Variants in ADAM10 observed in about 807,000 individuals in gnomAD.
ADAM10 encodes disintegrin and metalloproteinase domain-containing protein 10.
In ADAM10, 17 loss-of-function variants were observed where a neutral mutation model predicts 90.1. The ratio of observed to expected loss-of-function variants is 0.19; its 90% confidence interval spans 0.13 to 0.28. The LOEUF (loss-of-function observed/expected upper bound fraction) is 0.28. Ranked by LOEUF, ADAM10 falls within the 10% of genes least tolerant of loss-of-function variation. ADAM10 has a pLI of 1.00. For synonymous variants in ADAM10, 310 were observed against 298.6 expected, an observed-to-expected ratio of 1.04 and a Z score of -0.40; for missense variants, 610 against 914.3, an observed-to-expected ratio of 0.67 and a Z score of 4.29.
At chr15:58,625,233 G>A (rs780483596) in intron 10 of ADAM10, among the ~76,000 whole-genome samples, 2 of 152,014 alleles carry the variant, frequency 1.3e-5, no homozygotes, top group Non-Finnish European at 2.9e-5. Context: ...CTACAGACTG[G>A]GAGAAAATAT....
chr15:58,669,492 G>A (rs1897147777), intron 4 of ADAM10, among the ~76,000 whole-genome samples: 1 of 152,170 alleles, frequency 6.6e-6, no homozygotes, highest in African/African-American at 2.4e-5. Context: ...GCTTGGAGGA[G>A]AGAGAATGTA....
intron 11 of ADAM10, among the ~76,000 whole-genome samples, chr15:58,612,310 G>A (rs2140999383): frequency 1.3e-5 from 2 of 152,262 alleles, no homozygotes; most frequent in South Asian, 4.1e-4. Flanking sequence ...CCTTGGCCAA[G>A]TTGAGGAGCT....
chr15:58,726,134 G>C (rs1899019041), intron 1 of ADAM10, among the ~76,000 whole-genome samples: 1 of 152,018 alleles, frequency 6.6e-6, no homozygotes, highest in South Asian at 2.1e-4. Context: ...AACAATAACA[G>C]CACAACAGAA....
At chr15:58,629,210 AT>A (rs1181795813) in intron 9 of ADAM10, 1 of 152,252 alleles carries the variant, frequency 6.6e-6, no homozygotes, top group Non-Finnish European at 1.5e-5. Flanking sequence ...AGGCACTAAA[AT>A]ATAAAAATAT....
At chr15:58,613,056 C>G (rs1306546746) in intron 11 of ADAM10, among the ~76,000 whole-genome samples, 1 of 152,144 alleles carries the variant, frequency 6.6e-6, no homozygotes, top group Admixed American at 6.5e-5. Flanking sequence ...CTAAGTCTCA[C>G]CATTATGGGA....
At chr15:58,655,314 C>G (rs1226633728) in intron 5 of ADAM10, 1 of 153,960 alleles carries the variant, frequency 6.5e-6, no homozygotes, top group Non-Finnish European at 1.5e-5. Flanking sequence ...GTGCTGGCAT[C>G]CGCTTGGCTT....
intron 10 of ADAM10, among the ~76,000 whole-genome samples, chr15:58,625,199 C>T (rs1895902278): frequency 1.3e-5 from 2 of 152,208 alleles, no homozygotes; most frequent in East Asian, 1.9e-4. Context: ...CACGAAAGAA[C>T]TGTGAAAAGG....
intron 8 of ADAM10, among the ~76,000 whole-genome samples, chr15:58,635,355 C>G (rs377020339): frequency 1.3e-5 from 2 of 151,368 alleles, no homozygotes; most frequent in Non-Finnish European, 2.9e-5. Flanking sequence ...ACTCTGCCCA[C>G]CTCAGGTGAT....
chr15:58,675,179 C>T (rs189911878), intron 4 of ADAM10, among the ~76,000 whole-genome samples: 36 of 152,272 alleles, frequency 2.4e-4, no homozygotes, highest in Admixed American at 1.7e-3. Context: ...GCCTGGGCGA[C>T]GGAGGTATAG....
rs1330625561 is a variant in ADAM10 at position 58,594,605 on chromosome 15, A to C, written c.*2942T>G. The C allele has an allele frequency of 6.6e-6, 1 of 152,198 alleles. No individual in the cohort carries two copies. The highest frequency in any genetic ancestry group is 1.5e-5 in the Non-Finnish European group (1 of 68,030). 9.4% of individuals were successfully genotyped at this position (152,198 alleles called of 1,614,324 possible). ...ATTGCTTGACACTACAGGGAATGCT[A>C]AATCCAGAAGCAGTCAATAAATTTA... On this transcript the variant is annotated 3_prime_UTR_variant, in exon 16 of 16. Transcript: ENST00000260408.
chr15:58,685,150 T>TTAA (rs1161229602), intron 2 of ADAM10, among the ~76,000 whole-genome samples: 1 of 133,282 alleles, frequency 7.5e-6, no homozygotes, highest in Non-Finnish European at 1.5e-5. Context: ...GACCTCTAAG[T>TTAA]TATATTAAGT....
chr15:58,639,965 C>T (rs1387864743), intron 8 of ADAM10, among the ~76,000 whole-genome samples: 1 of 151,658 alleles, frequency 6.6e-6, no homozygotes, highest in Non-Finnish European at 1.5e-5. Context: ...AGATAATATA[C>T]TATTGATTAA....
intron 2 of ADAM10, among the ~76,000 whole-genome samples, chr15:58,698,968 C>T (rs1479897137): frequency 6.6e-6 from 1 of 152,076 alleles, no homozygotes; most frequent in Non-Finnish European, 1.5e-5. Flanking sequence ...AGATACAACT[C>T]GAAAAGGTCT....
At chr15:58,663,318 T>A (rs1311984848) in intron 5 of ADAM10, among the ~76,000 whole-genome samples, 1 of 152,220 alleles carries the variant, frequency 6.6e-6, no homozygotes, top group Non-Finnish European at 1.5e-5. Flanking sequence ...TATTCAATGG[T>A]CCTCACTTTT....
At chr15:58,707,592 G>C (rs1230704996) in intron 2 of ADAM10, among the ~76,000 whole-genome samples, 1 of 152,120 alleles carries the variant, frequency 6.6e-6, no homozygotes, top group African/African-American at 2.4e-5. Context: ...AACAACGTGA[G>C]TCTCACGTAA....
intron 10 of ADAM10, among the ~76,000 whole-genome samples, chr15:58,624,391 CAT>C (rs763761691): frequency 2.0e-5 from 3 of 152,268 alleles, no homozygotes; most frequent in South Asian, 2.1e-4. Flanking sequence ...TTATAATTCA[CAT>C]GACACGTAAT....
At chr15:58,661,916 C>T (rs1322365692) in intron 5 of ADAM10, among the ~76,000 whole-genome samples, 1 of 152,076 alleles carries the variant, frequency 6.6e-6, no homozygotes, top group African/African-American at 2.4e-5. Flanking sequence ...CCTAGAAGTT[C>T]CATTTGGTTC....
At chr15:58,691,330 GCA>G (rs1897782217) in intron 2 of ADAM10, 1 of 1,197,004 alleles carries the variant, frequency 8.4e-7, no homozygotes, top group African/African-American at 1.5e-5. Flanking sequence ...TTGAGCTGCT[GCA>G]CACAGTACTC....
rs75112899 is a variant in ADAM10, at chr15:58,599,899, T to A, written c.2026-175A>T. ...TTTGCACATATATATTATTTAAATA[T>A]AAAAAAAAGTTTAAAGGAGAAAATG... is the stretch of plus-strand genomic sequence containing the variant. On this transcript the variant is annotated intron_variant, in intron 14 of 15. Transcript: ENST00000260408. Among the ~76,000 whole-genome samples the A allele has an allele frequency of 0.035, 5,256 of 151,968 alleles. 108 individuals carry two copies. Among genetic ancestry groups the A allele is most frequent in the African/African-American group, 0.065 (2,684 of 41,460 alleles).
Sources: allele counts gnomAD v4.1 joint callset (sites outside exome capture counted in the v4.1 genomes callset), GRCh38; gene constraint gnomAD v4.1.1; transcripts MANE v1.5; gene names NCBI Gene and HGNC (gene_info 2026-07-23, HGNC 2026-07-21).